ST7: variants seen among roughly 807,000 people sequenced by gnomAD.
ST7 encodes suppressor of tumorigenicity 7 protein.
A neutral mutation model predicts 78.7 loss-of-function variants in ST7; 28 were observed. The observed-to-expected ratio is 0.36, with a 90% CI of 0.26 to 0.49. The LOEUF (loss-of-function observed/expected upper bound fraction) is 0.49, where lower values mean the gene tolerates loss of function less well. ST7 is among the 20% of genes least tolerant of loss of function. The probability of loss-of-function intolerance (pLI) is 0.99; values close to 1 mark genes in which losing one functional copy is unlikely to be tolerated. For synonymous variants in ST7, 247 were observed against 249.6 expected (o/e 0.99, Z 0.10); for missense variants, 418 against 696.0 (o/e 0.60, Z 4.49).
At chr7:117,182,633 A>T (rs1050269529) in intron 10 of ST7, 4 of 152,192 alleles carry the variant, frequency 2.6e-5, no homozygotes, top group African/African-American at 9.7e-5. Context: ...CCACACAATC[A>T]TAGGAACAAA....
At chr7:116,974,198 C>G (rs553854435) in intron 1 of ST7, among the ~76,000 whole-genome samples, 26 of 152,042 alleles carry the variant, frequency 1.7e-4, no homozygotes, top group Non-Finnish European at 3.5e-4. Context: ...CTTAAAAATT[C>G]TTTGTATGAT....
At chr7:117,127,834 GTA>G (rs1277127243) in intron 3 of ST7, among the ~76,000 whole-genome samples, 2 of 151,646 alleles carry the variant, frequency 1.3e-5, no homozygotes, top group Non-Finnish European at 2.9e-5. Flanking sequence ...AATACTTTAG[GTA>G]TATACATGAT....
At chr7:117,067,860 A>T (rs1257238714) in intron 1 of ST7, among the ~76,000 whole-genome samples, 3 of 152,148 alleles carry the variant, frequency 2.0e-5, no homozygotes, top group African/African-American at 7.2e-5. Flanking sequence ...AAATTCTCTT[A>T]AATTCTACAC....
chr7:117,123,662 A>G (rs1450143244), intron 3 of ST7, among the ~76,000 whole-genome samples: 1 of 152,134 alleles, frequency 6.6e-6, no homozygotes, highest in Non-Finnish European at 1.5e-5. Context: ...CCATTTCTTA[A>G]TTCAGCTTAG....
At chr7:117,217,493 G>T (rs7804397) in intron 13 of ST7, among the ~76,000 whole-genome samples, 7,081 of 152,126 alleles carry the variant, frequency 0.047, 521 homozygotes, top group African/African-American at 0.15. Flanking sequence ...TTGTTTTTGT[G>T]GGGGGTGTTT....
At chr7:117,022,547 A>C (rs988393015) in intron 1 of ST7, among the ~76,000 whole-genome samples, 13 of 152,236 alleles carry the variant, frequency 8.5e-5, no homozygotes, top group African/African-American at 3.1e-4. Context: ...AACCTTTTGG[A>C]GGCTATTTTT....
chr7:117,138,284 T>C (rs990147739), intron 8 of ST7, 151 bp from the exon 9 acceptor site: 2 of 514,016 alleles, frequency 3.9e-6, no homozygotes, highest in Non-Finnish European at 3.5e-6. Flanking sequence ...GATTTGACCT[T>C]TGGGAGTCTA....
chr7:117,035,126 T>G (rs1031488315), intron 1 of ST7, among the ~76,000 whole-genome samples: 2 of 151,480 alleles, frequency 1.3e-5, no homozygotes, highest in South Asian at 2.1e-4. Context: ...GCAGTTTTTT[T>G]TTTTTTTTTT....
At chr7:117,162,546 A>C (rs1807241078) in intron 9 of ST7, among the ~76,000 whole-genome samples, 1 of 150,542 alleles carries the variant, frequency 6.6e-6, no homozygotes, top group African/African-American at 2.4e-5. Context: ...GGAAAATCCC[A>C]TCATAAATAG....
intron 12 of ST7, among the ~76,000 whole-genome samples, chr7:117,204,587 T>C (rs1791557303): frequency 6.6e-6 from 1 of 152,224 alleles, no homozygotes; most frequent in Admixed American, 6.5e-5. Context: ...TTTTGTCCTG[T>C]GCCTGCTTTG....
At chr7:117,103,271 C>G (rs780538023) in intron 2 of ST7, among the ~76,000 whole-genome samples, 4 of 152,098 alleles carry the variant, frequency 2.6e-5, no homozygotes, top group Non-Finnish European at 5.9e-5. Flanking sequence ...TTATGTGGAA[C>G]CACAGAAGAC....
At chr7:117,102,917 A>G (rs1183546245) in intron 2 of ST7, among the ~76,000 whole-genome samples, 1 of 152,212 alleles carries the variant, frequency 6.6e-6, no homozygotes, top group Non-Finnish European at 1.5e-5. Flanking sequence ...AATCAGTAAC[A>G]TTTATATATG....
intron 9 of ST7, among the ~76,000 whole-genome samples, chr7:117,151,168 C>T (rs991555345): frequency 2.0e-5 from 3 of 152,212 alleles, no homozygotes. Flanking sequence ...TTTTTTAAAA[C>T]TCAGATCAGC....
intron 7 of ST7, 141 bp from the exon 8 acceptor site, chr7:117,135,940 C>A: frequency 2.5e-6 from 2 of 794,574 alleles, no homozygotes; most frequent in Non-Finnish European, 4.1e-6. Flanking sequence ...TTTGTGTCAG[C>A]AACTACAAAC....
chr7:117,074,098 C>T (rs529899705), intron 1 of ST7, among the ~76,000 whole-genome samples: 11 of 152,232 alleles, frequency 7.2e-5, no homozygotes, highest in Non-Finnish European at 1.2e-4. Context: ...TTCCTAGATA[C>T]AGTTAATCTA....
At chr7:117,058,904 G>A (rs1203315035) in intron 1 of ST7, among the ~76,000 whole-genome samples, 2 of 152,166 alleles carry the variant, frequency 1.3e-5, no homozygotes, top group Non-Finnish European at 2.9e-5. Context: ...AACATGGATG[G>A]AACTGCAGGT....
intron 15 of ST7, chr7:117,223,054 T>C: frequency 1.9e-6 from 2 of 1,076,656 alleles, no homozygotes. Flanking sequence ...ATCCACCCCG[T>C]TGCTCAAGCC....
At chr7:116,995,007 A>C (rs556715247) in intron 1 of ST7, among the ~76,000 whole-genome samples, 60 of 152,172 alleles carry the variant, frequency 3.9e-4, no homozygotes, top group South Asian at 1.0e-3. Flanking sequence ...GGTTTAGCCC[A>C]TGGGAGGAAG....
chr7:116,974,954 C>A (rs1442318255), intron 1 of ST7, among the ~76,000 whole-genome samples: 1 of 152,170 alleles, frequency 6.6e-6, no homozygotes, highest in Non-Finnish European at 1.5e-5. Context: ...AAGCACCTTG[C>A]TTGCCTCATC....
Sources: allele counts gnomAD v4.1 joint callset (sites outside exome capture counted in the v4.1 genomes callset), GRCh38; gene constraint gnomAD v4.1.1; transcripts MANE v1.5; gene names NCBI Gene and HGNC (gene_info 2026-07-23, HGNC 2026-07-21).